Variants in TLE2 observed in about 807,000 individuals in gnomAD.
TLE2 encodes TLE family member 2, transcriptional corepressor.
TLE2 carries 74 observed loss-of-function variants against 97.2 expected under a neutral mutation model. The ratio of observed to expected loss-of-function variants is 0.76; its 90% CI spans 0.63 to 0.92. The LOEUF (loss-of-function observed/expected upper bound fraction) is 0.92, where lower values mean the gene tolerates loss of function less well. TLE2 is among the 40% of genes least tolerant of loss of function. TLE2 has a pLI of 0.00. For missense variants in TLE2, 1,038 were observed against 1,008.7 expected (o/e 1.03, Z -0.39); for synonymous variants, 499 against 432.1 (o/e 1.15, Z -1.92).
chr19:3,045,995 C>G (rs562789364), upstream of TLE2, among the ~76,000 whole-genome samples: 2 of 152,206 alleles, frequency 1.3e-5, no homozygotes, highest in African/African-American at 4.8e-5. Context: ...TCAAGCACTG[C>G]TGGAGGCGTG....
At position 3,001,041 on chromosome 19, in the gene TLE2, G is replaced by A. The variant is rs192194217; in HGVS notation, c.2048-318C>T. Among the ~76,000 whole-genome samples the A allele has an allele frequency of 2.9e-3, 442 of 152,070 alleles. 1 individual carries two copies. Among genetic ancestry groups the A allele is most frequent in the Non-Finnish European group, 5.4e-3 (365 of 67,994 alleles). Reference sequence around the variant, plus strand: ...CGTAATCCCCACTTTGGGAGACAGAGGTGGCTGGGTCACTTGAGGTCAGGA... The same window carrying A: ...CGTAATCCCCACTTTGGGAGACAGAAGTGGCTGGGTCACTTGAGGTCAGGA... On this transcript the variant is annotated intron_variant, in intron 18 of 19. Coordinates refer to ENST00000262953, the MANE Select transcript of TLE2 (RefSeq NM_003260.5).
At chr19:3,027,755 C>G (rs2089969784) in intron 4 of TLE2, 74 bp downstream of exon 4, 1 of 1,509,238 alleles carries the variant, frequency 6.6e-7, no homozygotes, top group South Asian at 1.2e-5. Context: ...CCCCGGCTGC[C>G]CACTCTGGGT....
At chr19:3,028,587 G>C (rs1265360015) in intron 2 of TLE2, 119 bp downstream of exon 2, 1 of 1,214,216 alleles carries the variant, frequency 8.2e-7, no homozygotes, top group Non-Finnish European at 1.2e-6. Flanking sequence ...CCACCTGGAG[G>C]CCTTTGTCGC....
chr19:3,022,428 C>G (rs2089863234), intron 5 of TLE2, among the ~76,000 whole-genome samples: 1 of 151,140 alleles, frequency 6.6e-6, no homozygotes, highest in African/African-American at 2.4e-5. Context: ...ACTCGGGAGG[C>G]TGAGGTGGAA....
intron 8 of TLE2, among the ~76,000 whole-genome samples, chr19:3,016,132 C>T (rs1410611191): frequency 6.6e-6 from 1 of 151,622 alleles, no homozygotes; most frequent in Non-Finnish European, 1.5e-5. Flanking sequence ...GACAGGGTTT[C>T]GCCATGTTGG....
chr19:3,028,758 T>A lies in TLE2; in HGVS notation c.70A>T (p.Ile24Phe). 3 of 1,612,666 alleles carry A rather than the reference T, an allele frequency of 1.9e-6. No individual in the cohort carries two copies. Among genetic ancestry groups the A allele is most frequent in the Non-Finnish European group, 1.7e-6 (2 of 1,179,782 alleles). Residue 24 changes from isoleucine (I) to phenylalanine (F), a missense_variant, in exon 2 of 20, where the codon ATC becomes TTC. By Grantham distance (21) the Ile-to-Phe change is conservative. Transcript: ENST00000262953. ...GQPFKFSILE[I>F]CDRIKEEFQF... ...AATTCTTCTTTGATGCGGTCGCAGA[T>A]CTCCAAGATCGAGAACTTGAAGGGC...
intron 1 of TLE2, among the ~76,000 whole-genome samples, chr19:3,044,903 A>G (rs1688134): frequency 0.66 from 100,463 of 152,146 alleles, 34,502 homozygotes; most frequent in African/African-American, 0.78. Context: ...TGTGCGGAGC[A>G]AAAAATGCTG....
chr19:3,025,968 C>G (rs764297695), intron 4 of TLE2, among the ~76,000 whole-genome samples: 7 of 152,116 alleles, frequency 4.6e-5, no homozygotes, highest in Non-Finnish European at 1.5e-5. Context: ...CAGCCCACCC[C>G]CTTCTCCTTC....
At chr19:3,047,070 C>T (rs1398267638), upstream of TLE2, among the ~76,000 whole-genome samples, 3 of 56,216 alleles carry the variant, frequency 5.3e-5, no homozygotes, top group Admixed American at 3.1e-4. Context: ...CTCCCTCCCC[C>T]TCCCTCCACT....
upstream of TLE2, among the ~76,000 whole-genome samples, chr19:3,032,941 G>GTTTT (rs10664438): frequency 1.8e-3 from 267 of 146,242 alleles, 2 homozygotes; most frequent in South Asian, 3.5e-3. The surrounding 1 kb of genome is among the most constrained non-coding windows in gnomAD (Gnocchi z 4.1). Context: ...CTTGTTGGTT[G>GTTTT]TTTTTTTTTT....
chr19:3,046,566 C>A (rs1017530484), upstream of TLE2, among the ~76,000 whole-genome samples: 10 of 151,464 alleles, frequency 6.6e-5, no homozygotes, highest in Non-Finnish European at 1.5e-4. Flanking sequence ...AGTCCCCTGA[C>A]AGACACCCCC....
upstream of TLE2, among the ~76,000 whole-genome samples, chr19:3,031,172 G>A (rs73919286): frequency 0.05 from 7,548 of 152,026 alleles, 537 homozygotes; most frequent in African/African-American, 0.15. Flanking sequence ...TACAGACAGA[G>A]GAAGAGTTTA....
intron 5 of TLE2, among the ~76,000 whole-genome samples, chr19:3,021,891 A>C (rs947122783): frequency 3.3e-5 from 5 of 152,010 alleles, no homozygotes; most frequent in Non-Finnish European, 5.9e-5. Context: ...CCTAAATATA[A>C]ATTTAAATAT....
intron 1 of TLE2, among the ~76,000 whole-genome samples, chr19:3,035,617 A>G (rs2145225566): frequency 6.6e-6 from 1 of 151,896 alleles, no homozygotes; most frequent in East Asian, 1.9e-4. Context: ...TGGCCGCCCC[A>G]GCTACTGTGG....
At chr19:3,025,180 T>C (rs2089920994) in intron 4 of TLE2, 98 bp from the exon 5 acceptor site, 5 of 1,299,440 alleles carry the variant, frequency 3.8e-6, no homozygotes, top group Admixed American at 4.9e-5. Context: ...AGCCGAAGGG[T>C]TGGGGAGGTG....
chr19:3,025,170 A>G (rs2089920711), intron 4 of TLE2, 88 bp from the exon 5 acceptor site: 2 of 1,365,624 alleles, frequency 1.5e-6, no homozygotes, highest in African/African-American at 1.5e-5. Context: ...GTGTTGGCAA[A>G]GCCGAAGGGT....
rs1244884048 is a variant in TLE2, at chr19:3,019,026, G to A, written c.550+257C>T. Among the ~76,000 whole-genome samples, 2 of 151,694 alleles carry A rather than the reference G, an allele frequency of 1.3e-5. No individual in the cohort carries two copies. Among genetic ancestry groups the A allele is most frequent in the South Asian group, 2.1e-4 (1 of 4,792 alleles). On this transcript the variant is annotated intron_variant, in intron 7 of 19. Transcript: ENST00000262953. The surrounding 1 kb of genome is among the most constrained non-coding windows in gnomAD (Gnocchi z 5.1). ...TGATCCTCCTGCCTCGGCCTCCTAAGTACCTGGGAATACAGGTGTGCACCA... is the reference window on the plus strand; with the variant it reads ...TGATCCTCCTGCCTCGGCCTCCTAAATACCTGGGAATACAGGTGTGCACCA...
At position 3,019,577 on chromosome 19, in the gene TLE2, G is replaced by A. The variant is rs2089795723; in HGVS notation, c.370-114C>T. On this transcript the variant is annotated intron_variant, in intron 6 of 19. Coordinates refer to ENST00000262953, the MANE Select transcript of TLE2 (RefSeq NM_003260.5). The surrounding 1 kb of genome is among the most constrained non-coding windows in gnomAD (Gnocchi z 5.1). ...CCTAAGCACAGCATGTGCCCCTGGG[G>A]TTCCCAGGACCACTGGAGCCAAGGC... is the stretch of plus-strand genomic sequence containing the variant. The A allele has an allele frequency of 3.3e-6, 5 of 1,504,626 alleles. No homozygotes were observed. In the South Asian group the frequency reaches 3.9e-5, roughly 12 times the overall value. The allele number at this position is 1,504,626 out of a possible 1,614,324, so 93.2% of individuals were successfully genotyped here.
At chr19:2,998,605 G>T (rs1344415517) in intron 19 of TLE2, among the ~76,000 whole-genome samples, 1 of 151,992 alleles carries the variant, frequency 6.6e-6, no homozygotes, top group South Asian at 2.1e-4. Flanking sequence ...GTAGAGACTG[G>T]GTTTCCCCAT....
Sources: allele counts gnomAD v4.1 joint callset (sites outside exome capture counted in the v4.1 genomes callset), GRCh38; gene constraint gnomAD v4.1.1; non-coding constraint Gnocchi (gnomAD v3.1); transcripts MANE v1.5; gene names NCBI Gene and HGNC (gene_info 2026-07-23, HGNC 2026-07-21).